Variants in CFAP299 observed in about 807,000 individuals in gnomAD.
CFAP299 encodes cilia- and flagella-associated protein 299.
Under a neutral mutation model 27.0 loss-of-function variants are expected in CFAP299, and 21 were observed. The ratio of observed to expected loss-of-function variants is 0.78; its 90% confidence interval spans 0.55 to 1.12. The LOEUF is 1.12. CFAP299 is among the 50% of genes most tolerant of loss of function. CFAP299 has a pLI of 0.00. For missense variants in CFAP299, 310 were observed against 276.6 expected (o/e 1.12, Z -0.86); for synonymous variants, 104 against 98.1 (o/e 1.06, Z -0.36).
intron 3 of CFAP299, among the ~76,000 whole-genome samples, chr4:80,669,740 G>A (rs1217743135): frequency 6.6e-6 from 1 of 151,758 alleles, no homozygotes; most frequent in African/African-American, 2.4e-5. Context: ...GAATATAAGT[G>A]GTGAAAGTGG....
At chr4:80,544,496 T>C (rs1734141278) in intron 2 of CFAP299, among the ~76,000 whole-genome samples, 1 of 152,150 alleles carries the variant, frequency 6.6e-6, no homozygotes, top group Non-Finnish European at 1.5e-5. Flanking sequence ...ATGACATCCT[T>C]AGGCTGAAAG....
chr4:80,752,680 A>G (rs1158597100), intron 3 of CFAP299, among the ~76,000 whole-genome samples: 1 of 151,516 alleles, frequency 6.6e-6, no homozygotes, highest in Admixed American at 6.6e-5. Context: ...TGACCTTACT[A>G]ATTGCTTTTT....
intron 3 of CFAP299, among the ~76,000 whole-genome samples, chr4:80,677,134 T>C (rs1315596394): frequency 6.6e-6 from 1 of 152,038 alleles, no homozygotes; most frequent in African/African-American, 2.4e-5. Flanking sequence ...ATAGATTTGG[T>C]ATGTTGTATT....
At position 80,585,078 on chromosome 4, in the gene CFAP299, AG is replaced by A. The variant is rs1431368948; in HGVS notation, c.333+1897del. 3.9e-5 allele frequency among the ~76,000 whole-genome samples: 6 copies of A among 152,234 alleles called. No individual in the cohort carries two copies. The East Asian group carries it at 1.2e-3, about 29-fold the overall frequency. On this transcript the variant is annotated intron_variant, in intron 3 of 5. Coordinates refer to ENST00000358105, the MANE Select transcript of CFAP299 (RefSeq NM_152770.3). ...TTAGTATAGGGAATAAATTATAGAAAGGATAAAGCGGATGCCAGCAGATGCA... is the reference window on the plus strand; with the variant it reads ...TTAGTATAGGGAATAAATTATAGAAAGATAAAGCGGATGCCAGCAGATGCA...
intron 2 of CFAP299, among the ~76,000 whole-genome samples, chr4:80,466,134 A>G (rs1729688858): frequency 6.6e-6 from 1 of 152,198 alleles, no homozygotes. Context: ...AAACAAAATT[A>G]TTTTCTGATT....
chr4:80,368,907 A>G (rs746598567), intron 2 of CFAP299, among the ~76,000 whole-genome samples: 8 of 152,152 alleles, frequency 5.3e-5, no homozygotes, highest in Non-Finnish European at 1.2e-4. Flanking sequence ...TAGCATCTCC[A>G]GGAAGCAGAC....
intron 4 of CFAP299, among the ~76,000 whole-genome samples, chr4:80,883,716 C>T (rs918895165): frequency 6.6e-6 from 1 of 151,762 alleles, no homozygotes; most frequent in East Asian, 1.9e-4. Context: ...GATACAGAAG[C>T]GAATTAAGAG....
rs193014276 is a variant in CFAP299 at position 80,692,151 on chromosome 4, A to C, written c.333+108968A>C. On this transcript the variant is annotated intron_variant, in intron 3 of 5. Coordinates refer to ENST00000358105, the MANE Select transcript of CFAP299 (RefSeq NM_152770.3). ...AATTTACAGATTCAATGCCATCCCCATCAAGCTACCAAGGACTTTCTTCAC... is the reference window on the plus strand; with the variant it reads ...AATTTACAGATTCAATGCCATCCCCCTCAAGCTACCAAGGACTTTCTTCAC... Among the ~76,000 whole-genome samples, 1,279 of 152,344 alleles carry C rather than the reference A, an allele frequency of 8.4e-3. 12 individuals are homozygous for C. The highest frequency in any genetic ancestry group is 0.029 in the African/African-American group (1,191 of 41,580).
intron 2 of CFAP299, among the ~76,000 whole-genome samples, chr4:80,529,269 C>T (rs1480224729): frequency 6.6e-6 from 1 of 152,096 alleles, no homozygotes; most frequent in Non-Finnish European, 1.5e-5. Context: ...CTCTTCCAAT[C>T]CTTTCCTGGC....
chr4:80,659,161 C>A (rs1740706647), intron 3 of CFAP299, among the ~76,000 whole-genome samples: 1 of 151,934 alleles, frequency 6.6e-6, no homozygotes, highest in Non-Finnish European at 1.5e-5. Flanking sequence ...TATATTAATA[C>A]TGGGCAGTTA....
chr4:80,346,940 T>C (rs541091738), intron 1 of CFAP299, among the ~76,000 whole-genome samples: 1 of 152,308 alleles, frequency 6.6e-6, no homozygotes, highest in South Asian at 2.1e-4. Flanking sequence ...GTGTCCTCTT[T>C]TATTTTGTTG....
At position 80,488,495 on chromosome 4, in the gene CFAP299, A is replaced by T. The variant is rs544145208; in HGVS notation, c.243-94598A>T. On this transcript the variant is annotated intron_variant, in intron 2 of 5. Coordinates refer to ENST00000358105, the MANE Select transcript of CFAP299 (RefSeq NM_152770.3). ...ACACCTTTTTTTTTTTTTTTTTGAGATGGAGTCTCACTCTGTTGCCCAGGC... is the reference window on the plus strand; with the variant it reads ...ACACCTTTTTTTTTTTTTTTTTGAGTTGGAGTCTCACTCTGTTGCCCAGGC... Among the ~76,000 whole-genome samples the T allele has an allele frequency of 8.6e-5, 12 of 140,336 alleles. No individual in the cohort carries two copies. In the South Asian group the frequency reaches 2.5e-3, roughly 29 times the overall value. The allele number at this position is 140,336 out of a possible 152,430, so 92.1% of individuals were successfully genotyped here. A position where few individuals can be genotyped will look rare whatever the true frequency, so the allele number is the denominator to read the frequency against.
intron 2 of CFAP299, among the ~76,000 whole-genome samples, chr4:80,557,864 T>C (rs1389752122): frequency 5.3e-5 from 8 of 152,160 alleles, no homozygotes; most frequent in Non-Finnish European, 7.4e-5. Flanking sequence ...ATTTCCAAGA[T>C]TGGTTTCCAG....
chr4:80,889,642 A>G lies in CFAP299; in HGVS notation c.476+19507A>G, dbSNP rs141808131. Reference sequence around the variant, plus strand: ...TATTCTACAAAGCCAGCATTACCCTAATACCAAAACCAGACAAAAACATAT... The same window carrying G: ...TATTCTACAAAGCCAGCATTACCCTGATACCAAAACCAGACAAAAACATAT... On this transcript the variant is annotated intron_variant, in intron 4 of 5. Coordinates refer to ENST00000358105, the MANE Select transcript of CFAP299 (RefSeq NM_152770.3). Among the ~76,000 whole-genome samples, 1,217 of 152,208 alleles carry G rather than the reference A, an allele frequency of 8.0e-3. 5 individuals are homozygous for G. Among genetic ancestry groups the G allele is most frequent in the Middle Eastern group, 0.017 (5 of 294 alleles).
At chr4:80,353,504 G>A (rs1723110384) in intron 1 of CFAP299, among the ~76,000 whole-genome samples, 1 of 152,200 alleles carries the variant, frequency 6.6e-6, no homozygotes, top group South Asian at 2.1e-4. Context: ...AAGAAATGTG[G>A]TATTATAAAT....
At chr4:80,450,631 T>C (rs1231237363) in intron 2 of CFAP299, among the ~76,000 whole-genome samples, 1 of 152,092 alleles carries the variant, frequency 6.6e-6, no homozygotes, top group East Asian at 1.9e-4. Context: ...ACATGAAGAA[T>C]TCTTTTTAAA....
chr4:80,816,561 A>G (rs1348045113), intron 3 of CFAP299, among the ~76,000 whole-genome samples: 1 of 151,722 alleles, frequency 6.6e-6, no homozygotes, highest in Non-Finnish European at 1.5e-5. Context: ...CTCAGTGAAA[A>G]TAAATGTATT....
chr4:80,421,923 G>A (rs1727302808), intron 2 of CFAP299, among the ~76,000 whole-genome samples: 1 of 152,148 alleles, frequency 6.6e-6, no homozygotes, highest in Admixed American at 6.5e-5. Flanking sequence ...TAATTTTAGA[G>A]GTTAATATGG....
chr4:80,539,917 C>T (rs1733920494), intron 2 of CFAP299, among the ~76,000 whole-genome samples: 1 of 152,088 alleles, frequency 6.6e-6, no homozygotes, highest in Admixed American at 6.6e-5. Flanking sequence ...GGAAGCAAGC[C>T]GACTGAGAAT....
Sources: allele counts gnomAD v4.1 joint callset (sites outside exome capture counted in the v4.1 genomes callset), GRCh38; gene constraint gnomAD v4.1.1; transcripts MANE v1.5; gene names NCBI Gene and HGNC (gene_info 2026-07-23, HGNC 2026-07-21).